Variants in STRN3 observed in about 807,000 individuals in gnomAD.
STRN3 encodes striatin 3.
A neutral mutation model predicts 95.6 loss-of-function variants in STRN3; 29 were observed. The ratio of observed to expected loss-of-function variants is 0.30; its 90% CI spans 0.23 to 0.41. The LOEUF (loss-of-function observed/expected upper bound fraction) is 0.41. Ranked by LOEUF, STRN3 falls within the 10% of genes least tolerant of loss-of-function variation. STRN3 has a pLI of 1.00. For missense variants in STRN3, 890 were observed against 972.1 expected (o/e 0.92, Z 1.12); for synonymous variants, 331 against 357.6 (o/e 0.93, Z 0.84).
intron 1 of STRN3, among the ~76,000 whole-genome samples, chr14:31,007,445 G>A (rs1043280239): frequency 2.0e-5 from 3 of 152,068 alleles, no homozygotes; most frequent in African/African-American, 7.2e-5. Flanking sequence ...AAAAAAGGAG[G>A]CAAATAACTC....
chr14:30,904,367 T>C (rs752287907), intron 15 of STRN3, among the ~76,000 whole-genome samples: 2 of 152,174 alleles, frequency 1.3e-5, no homozygotes, highest in Non-Finnish European at 2.9e-5. Context: ...ATACCTGCAA[T>C]GGATCAAAAC....
intron 5 of STRN3, among the ~76,000 whole-genome samples, chr14:30,944,561 A>ACACG (rs1879261764): frequency 2.8e-5 from 2 of 72,140 alleles, no homozygotes; most frequent in African/African-American, 9.3e-5. Context: ...ACGTATATAT[A>ACACG]TATATATATA....
intron 8 of STRN3, among the ~76,000 whole-genome samples, chr14:30,921,796 T>C (rs1343456189): frequency 2.0e-5 from 3 of 152,170 alleles, no homozygotes; most frequent in Non-Finnish European, 4.4e-5. Context: ...ACTAATTAAA[T>C]AAAAACTGAA....
chr14:31,011,347 G>GCCAGA (rs1287813911), intron 1 of STRN3, among the ~76,000 whole-genome samples: 1 of 152,084 alleles, frequency 6.6e-6, no homozygotes, highest in Non-Finnish European at 1.5e-5. Flanking sequence ...TCTATTATGT[G>GCCAGA]CCAGACCCTT....
In STRN3 at chr14:30,905,556, G is replaced by T. The variant is rs769618739; in HGVS notation, c.1891C>A (p.His631Asn). ...AAGTCAACTGATGTAGGTATTCCAT[G>T]CTCTGAAATGAGCCCAAAGACAGAC... is the stretch of plus-strand genomic sequence containing the variant. ...CICTYNGDKKHGIPTSVDFIG... is the reference protein window; with the variant it reads ...CICTYNGDKKNGIPTSVDFIG... Residue 631 changes from histidine to asparagine, a missense_variant and splice_region_variant, in exon 15 of 18, where the codon CAT (histidine) becomes AAT (asparagine). This residue lies in a region of STRN3 where 357 missense variants were observed against 422.8 expected (regional missense o/e 0.84). Transcript: ENST00000357479. The T allele has an allele frequency of 1.3e-6, 2 of 1,596,946 alleles. No individual in the cohort carries two copies. Among genetic ancestry groups the T allele is most frequent in the South Asian group, 2.3e-5 (2 of 85,548 alleles).
chr14:30,936,770 T>G lies in STRN3; in HGVS notation c.717-146A>C, dbSNP rs1878842763. 6.0e-6 allele frequency: 6 copies of G among 1,005,092 alleles called. No homozygotes were observed. The South Asian group carries it at 1.0e-4, about 17-fold the overall frequency. The allele number at this position is 1,005,092 out of a possible 1,614,324, so 62.3% of individuals were successfully genotyped here. ...TGAGGGCTTTATTCAAGAAAAGAAG[T>G]TTGAAAGATTTATGTTCTACAACTG... On this transcript the variant is annotated intron_variant, in intron 5 of 17. Coordinates refer to ENST00000357479, the MANE Select transcript of STRN3 (RefSeq NM_001083893.2).
At chr14:30,993,781 G>A (rs1321374637) in intron 1 of STRN3, among the ~76,000 whole-genome samples, 2 of 151,914 alleles carry the variant, frequency 1.3e-5, no homozygotes, top group Non-Finnish European at 2.9e-5. Context: ...GCAGGTTCAA[G>A]CAATTCTCCT....
intron 7 of STRN3, among the ~76,000 whole-genome samples, chr14:30,929,979 A>ACAAAAAAAAAAAC (rs67258419): frequency 5.7e-4 from 84 of 147,472 alleles, no homozygotes; most frequent in Admixed American, 1.2e-3. Flanking sequence ...AAAAAAAAAA[A>ACAAAAAAAAAAAC]CTCAAATTCC....
At chr14:30,912,241 GT>G in intron 10 of STRN3, 59 bp from the exon 11 acceptor site, 1 of 1,503,540 alleles carries the variant, frequency 6.7e-7, no homozygotes, top group South Asian at 1.3e-5. Context: ...GGCATGTGGA[GT>G]GTTTGTTCGT....
intron 9 of STRN3, among the ~76,000 whole-genome samples, chr14:30,914,601 C>T (rs1247308368): frequency 6.6e-6 from 1 of 152,192 alleles, no homozygotes; most frequent in Non-Finnish European, 1.5e-5. Flanking sequence ...ATCCACCTGC[C>T]TCGGCCTCCC....
At chr14:30,921,297 A>C (rs2139021750) in intron 8 of STRN3, among the ~76,000 whole-genome samples, 1 of 152,364 alleles carries the variant, frequency 6.6e-6, no homozygotes, top group East Asian at 1.9e-4. Context: ...AAACATAATA[A>C]AGGCTTGACA....
chr14:30,950,945 C>A lies in STRN3; in HGVS notation c.461-1G>T. ...GGAGCCTCTGTGTCTTTGGTTTCTT[C>A]TAAAAATTAAGAAAAAAAAAGTTTT... is the stretch of plus-strand genomic sequence containing the variant. On this transcript the variant is annotated splice_acceptor_variant, in intron 3 of 17. Transcript: ENST00000357479. LOFTEE classifies it high-confidence loss of function. The A allele has an allele frequency of 6.2e-7, 1 of 1,607,698 alleles. No homozygotes were observed. The highest frequency in any genetic ancestry group is 8.5e-7 in the Non-Finnish European group (1 of 1,178,458).
chr14:30,968,755 G>GGA (rs1555322208), intron 1 of STRN3, among the ~76,000 whole-genome samples: 1 of 150,366 alleles, frequency 6.7e-6, no homozygotes, highest in Non-Finnish European at 1.5e-5. Flanking sequence ...AAGTTGTGGA[G>GGA]AAAAAAAAGG....
chr14:31,022,837 C>T (rs1189294444), intron 1 of STRN3, among the ~76,000 whole-genome samples: 1 of 152,096 alleles, frequency 6.6e-6, no homozygotes, highest in African/African-American at 2.4e-5. Context: ...GGAATACTCA[C>T]CTCATGAGGT....
intron 1 of STRN3, among the ~76,000 whole-genome samples, chr14:31,007,908 T>C (rs1427333995): frequency 2.0e-5 from 3 of 151,918 alleles, no homozygotes; most frequent in Non-Finnish European, 4.4e-5. Context: ...AAATAAAAAA[T>C]TGGGCCTGGC....
Position 31,016,655 on chromosome 14 carries a change from T to C in STRN3, c.282+9249A>G, listed in dbSNP as rs140124702. On this transcript the variant is annotated intron_variant, in intron 1 of 17. Transcript: ENST00000357479. Reference sequence around the variant, plus strand: ...GCCTCCCGGGTTAAAGCGATTCTCCTGCCCTCAGCTTCCCAAGTAGCTGGG... The same window carrying C: ...GCCTCCCGGGTTAAAGCGATTCTCCCGCCCTCAGCTTCCCAAGTAGCTGGG... 5.7e-3 allele frequency among the ~76,000 whole-genome samples: 874 copies of C among 152,242 alleles called. 8 individuals are homozygous for C. Among genetic ancestry groups the C allele is most frequent in the African/African-American group, 0.02 (825 of 41,546 alleles).
intron 1 of STRN3, among the ~76,000 whole-genome samples, chr14:31,015,154 C>T (rs1373590976): frequency 1.3e-5 from 2 of 152,070 alleles, no homozygotes; most frequent in African/African-American, 4.8e-5. Context: ...TATTTATTTA[C>T]TTTTCATTAG....
Position 30,943,293 on chromosome 14 carries a change from C to T in STRN3, c.716+3797G>A, listed in dbSNP as rs374596205. Among the ~76,000 whole-genome samples, 12 of 152,276 alleles carry T rather than the reference C, an allele frequency of 7.9e-5. 1 individual carries two copies. The highest frequency in any genetic ancestry group is 7.2e-4 in the Admixed American group (11 of 15,294). On this transcript the variant is annotated intron_variant, in intron 5 of 17. Coordinates refer to ENST00000357479, the MANE Select transcript of STRN3 (RefSeq NM_001083893.2). ...AAGAAGAAAGCCTCGATTAAAACAA[C>T]TATTTCCGGCCAGGCGCAGTGGCTC...
At chr14:31,022,978 G>A (rs752210379) in intron 1 of STRN3, among the ~76,000 whole-genome samples, 1 of 152,020 alleles carries the variant, frequency 6.6e-6, no homozygotes, top group Non-Finnish European at 1.5e-5. Context: ...TTTTAAGGGG[G>A]GAATCTCCTG....
Sources: gnomAD v4.1 joint callset for allele counts (sites outside exome capture counted in the v4.1 genomes callset) on GRCh38, gnomAD v4.1.1 for gene constraint, gnomAD v4.1.1 regional missense constraint, MANE v1.5 for transcripts, NCBI Gene and HGNC (gene_info 2026-07-23, HGNC 2026-07-21) for gene names.